The following SPATA6L variants were observed in gnomAD, a reference collection of about 807,000 sequenced individuals.
SPATA6L encodes the protein spermatogenesis associated 6-like protein.
SPATA6L carries 68 observed loss-of-function variants against 49.2 expected under a neutral mutation model. The ratio of observed to expected loss-of-function variants is 1.38; its 90% CI spans 1.14 to 1.69. The LOEUF (loss-of-function observed/expected upper bound fraction) is 1.69, where lower values mean the gene tolerates loss of function less well. Among genes scored for constraint, SPATA6L ranks in the 40% most tolerant of loss-of-function variants. SPATA6L has a pLI of 0.00. For synonymous variants in SPATA6L, 198 were observed against 165.7 expected, an observed-to-expected ratio of 1.19 and a Z score of -1.50; for missense variants, 668 against 464.3, an observed-to-expected ratio of 1.44 and a Z score of -4.03.
chr9:4,633,490 C>A, intron 4 of SPATA6L: 1 of 159,450 alleles, frequency 6.3e-6, no homozygotes. Flanking sequence ...TGATATCTGC[C>A]AATATATTGT....
intron 7 of SPATA6L, among the ~76,000 whole-genome samples, chr9:4,620,402 C>T (rs770846179): frequency 2.0e-5 from 3 of 152,166 alleles, no homozygotes; most frequent in African/African-American, 4.8e-5. Context: ...AAGTGCAGTC[C>T]ATAGACCAGC....
chr9:4,648,438 G>A (rs953613105), intron 3 of SPATA6L, among the ~76,000 whole-genome samples: 14 of 152,056 alleles, frequency 9.2e-5, no homozygotes, highest in Non-Finnish European at 5.9e-5. Context: ...CGTGGCTCAC[G>A]CCTGTAATCC....
intron 6 of SPATA6L, 98 bp from the exon 7 acceptor site, chr9:4,622,608 AC>A (rs1340303658): frequency 2.5e-6 from 2 of 812,200 alleles, no homozygotes; most frequent in African/African-American, 3.5e-5. Flanking sequence ...ATCACTGATT[AC>A]ACGGGTTGGA....
Position 4,622,487 on chromosome 9 carries a change from A to C in SPATA6L, c.693T>G (p.Gly231=). 1 of 1,613,322 alleles carries C rather than the reference A, an allele frequency of 6.2e-7. No individual in the cohort carries two copies. The highest frequency in any genetic ancestry group is 8.5e-7 in the Non-Finnish European group (1 of 1,179,708). ...TCAAATGATGCTCTGAAATATTCTC[A>C]CCAAAGGGCTTTGCACTGTCCACCT... The part of the protein sequence containing the change: ...VRHVDSAKPF[G]ENISEHHLRR... Residue 231 remains glycine (G), a synonymous_variant, in exon 7 of 12, where the codon GGT becomes GGG. Coordinates refer to ENST00000682582, the MANE Select transcript of SPATA6L (RefSeq NM_001353486.2).
At chr9:4,594,175 T>A (rs538959904), downstream of SPATA6L, among the ~76,000 whole-genome samples, 1 of 152,184 alleles carries the variant, frequency 6.6e-6, no homozygotes, top group South Asian at 2.1e-4. Flanking sequence ...ATCTTTTCTG[T>A]AGTCTCTCTT....
At chr9:4,605,055 C>G (rs1414053070) in intron 10 of SPATA6L, among the ~76,000 whole-genome samples, 1 of 152,142 alleles carries the variant, frequency 6.6e-6, no homozygotes, top group African/African-American at 2.4e-5. Context: ...TTCTCTCAGT[C>G]CTTTGAAAGG....
intron 9 of SPATA6L, among the ~76,000 whole-genome samples, chr9:4,609,201 G>C (rs976142355): frequency 6.6e-6 from 1 of 151,356 alleles, no homozygotes; most frequent in Non-Finnish European, 1.5e-5. Flanking sequence ...ATTCACAGCC[G>C]AATTCTACCA....
At chr9:4,656,700 T>C (rs1213258869) in intron 2 of SPATA6L, among the ~76,000 whole-genome samples, 5 of 152,330 alleles carry the variant, frequency 3.3e-5, no homozygotes, top group East Asian at 3.9e-4. Flanking sequence ...ATCTACCACA[T>C]GCTAAAAATA....
chr9:4,601,675 G>C (rs976027251), intron 11 of SPATA6L, among the ~76,000 whole-genome samples: 1 of 152,178 alleles, frequency 6.6e-6, no homozygotes, highest in African/African-American at 2.4e-5. Flanking sequence ...AACAGATATG[G>C]AGAAGGGGAG....
At chr9:4,653,996 T>C (rs1018031890) in intron 3 of SPATA6L, among the ~76,000 whole-genome samples, 2 of 152,136 alleles carry the variant, frequency 1.3e-5, no homozygotes, top group Non-Finnish European at 2.9e-5. Flanking sequence ...AGGATCTGAA[T>C]AGACATTTCC....
chr9:4,627,759 C>G, intron 5 of SPATA6L: 1 of 1,289,266 alleles, frequency 7.8e-7, no homozygotes, highest in African/African-American at 1.5e-5. Flanking sequence ...TTACCAAAGA[C>G]GGACCATGAA....
chr9:4,624,639 A>G (rs746282009), intron 6 of SPATA6L, among the ~76,000 whole-genome samples: 1 of 151,964 alleles, frequency 6.6e-6, no homozygotes, highest in African/African-American at 2.4e-5. Flanking sequence ...GAGGCAGGAG[A>G]ATCACTAGAA....
chr9:4,592,543 G>A (rs1359277130), intron 13 of SPATA6L, among the ~76,000 whole-genome samples: 1 of 152,098 alleles, frequency 6.6e-6, no homozygotes, highest in African/African-American at 2.4e-5. Flanking sequence ...CAAATAGATC[G>A]CTCAGCCATG....
At chr9:4,641,697 T>C (rs1834070017) in intron 3 of SPATA6L, among the ~76,000 whole-genome samples, 1 of 152,168 alleles carries the variant, frequency 6.6e-6, no homozygotes, top group South Asian at 2.1e-4. Context: ...CGCGTGCATG[T>C]GTGGTTATTT....
chr9:4,632,123 T>C (rs1330202105), intron 4 of SPATA6L, among the ~76,000 whole-genome samples: 1 of 145,508 alleles, frequency 6.9e-6, no homozygotes, highest in Non-Finnish European at 1.5e-5. Flanking sequence ...CACTCTGACC[T>C]CTGCCTCCTG....
chr9:4,609,079 T>A (rs993289978), intron 9 of SPATA6L, among the ~76,000 whole-genome samples: 2 of 150,704 alleles, frequency 1.3e-5, no homozygotes, highest in African/African-American at 2.5e-5. Context: ...ACATACGCTC[T>A]CCCAAGACTA....
rs1168106161 is a variant in SPATA6L, at chr9:4,661,931, T to G, written c.145A>C (p.Ile49Leu). The G allele has an allele frequency of 6.2e-7, 1 of 1,613,822 alleles. No individual in the cohort carries two copies. Among genetic ancestry groups the G allele is most frequent in the South Asian group, 1.1e-5 (1 of 91,052 alleles). Residue 49 changes from isoleucine to leucine, a missense_variant, in exon 2 of 12, where the codon ATT becomes CTT. Transcript: ENST00000682582. ...AATCTCATGCTCTCCTGAATCATAA[T>G]GGGGAACGCAGAGGGAAAGCTGTTG... The part of the protein sequence containing the change: ...ETNSFPSAFP[I>L]MIQESMRFEK...
intron 4 of SPATA6L, among the ~76,000 whole-genome samples, chr9:4,630,743 C>A (rs913999643): frequency 6.6e-6 from 1 of 152,228 alleles, no homozygotes; most frequent in African/African-American, 2.4e-5. Context: ...CTACTGCATG[C>A]TTATTACATG....
intron 7 of SPATA6L, among the ~76,000 whole-genome samples, chr9:4,621,768 G>A (rs568287276): frequency 2.0e-5 from 3 of 152,280 alleles, no homozygotes; most frequent in Non-Finnish European, 2.9e-5. Flanking sequence ...GATTACAGGC[G>A]TCAGTCACCG....
Sources: allele counts gnomAD v4.1 joint callset (sites outside exome capture counted in the v4.1 genomes callset), GRCh38; gene constraint gnomAD v4.1.1; transcripts MANE v1.5; gene names NCBI Gene and HGNC (gene_info 2026-07-23, HGNC 2026-07-21).